The following GGT1 variants were observed in gnomAD, a reference collection of about 807,000 sequenced individuals.
GGT1 encodes the protein glutathione hydrolase 1 proenzyme.
Under a neutral mutation model 56.0 loss-of-function variants are expected in GGT1, and 21 were observed. The ratio of observed to expected loss-of-function variants is 0.38; its 90% CI spans 0.27 to 0.54. The LOEUF (loss-of-function observed/expected upper bound fraction) is 0.54, where lower values mean the gene tolerates loss of function less well. GGT1 is among the 20% of genes least tolerant of loss of function. The pLI is 0.82. For missense variants in GGT1, 466 were observed against 787.0 expected (o/e 0.59, Z 4.88); for synonymous variants, 238 against 342.6 (o/e 0.69, Z 3.37).
chr22:24,602,683 C>T (rs547738999), upstream of GGT1, among the ~76,000 whole-genome samples: 11 of 152,266 alleles, frequency 7.2e-5, no homozygotes, highest in South Asian at 2.1e-3. Context: ...ATGTGACTCC[C>T]TTCAGTCCAG....
At chr22:24,593,632 A>G (rs2045637173), upstream of GGT1, among the ~76,000 whole-genome samples, 1 of 152,066 alleles carries the variant, frequency 6.6e-6, no homozygotes, top group South Asian at 2.1e-4. Context: ...TTGAAAATAC[A>G]AAAAATTAGC....
chr22:24,598,967 A>G (rs138810313), upstream of GGT1, among the ~76,000 whole-genome samples: 25 of 152,082 alleles, frequency 1.6e-4, no homozygotes, highest in Middle Eastern at 6.9e-3. Flanking sequence ...GGGTCTCTCT[A>G]TGTTTCCCAG....
At chr22:24,590,370 G>A (rs898791761), upstream of GGT1, among the ~76,000 whole-genome samples, 3 of 152,150 alleles carry the variant, frequency 2.0e-5, no homozygotes, top group East Asian at 5.8e-4. Flanking sequence ...GGGCTCAAGC[G>A]ATCCTCCCAA....
intron 1 of GGT1, among the ~76,000 whole-genome samples, chr22:24,607,218 C>T (rs1475193335): frequency 6.6e-6 from 1 of 151,968 alleles, no homozygotes; most frequent in African/African-American, 2.4e-5. Context: ...AACCAGTCTG[C>T]ACTCAGGGCC....
upstream of GGT1, among the ~76,000 whole-genome samples, chr22:24,602,893 C>A (rs8139074): frequency 6.6e-6 from 1 of 151,704 alleles, no homozygotes; most frequent in African/African-American, 2.4e-5. Flanking sequence ...AGCTCTGTGG[C>A]CCCATCTCCC....
At chr22:24,621,732 G>A (rs1406113118) in intron 9 of GGT1, among the ~76,000 whole-genome samples, 1 of 152,172 alleles carries the variant, frequency 6.6e-6, no homozygotes, top group Non-Finnish European at 1.5e-5. Flanking sequence ...GCGGCAGGGA[G>A]ACTGGCAGGA....
chr22:24,626,810 C>T (rs896426337), intron 11 of GGT1, among the ~76,000 whole-genome samples: 20 of 151,306 alleles, frequency 1.3e-4, no homozygotes, highest in African/African-American at 4.6e-4. Flanking sequence ...TGTTATGGGA[C>T]CTAGGAAGTC....
intron 1 of GGT1, among the ~76,000 whole-genome samples, chr22:24,596,509 T>C (rs1170552522): frequency 6.6e-6 from 1 of 152,034 alleles, no homozygotes; most frequent in Non-Finnish European, 1.5e-5. Context: ...AGGCTGGTCT[T>C]GAACTCCTGG....
At chr22:24,625,169 G>A (rs2047670168) in intron 11 of GGT1, among the ~76,000 whole-genome samples, 1 of 152,182 alleles carries the variant, frequency 6.6e-6, no homozygotes, top group African/African-American at 2.4e-5. Flanking sequence ...TCGCACCTCA[G>A]GGTGTGTCTC....
In GGT1 at chr22:24,628,852, G is replaced by A; in HGVS notation, c.*13G>A. 1 of 1,572,764 alleles carries A rather than the reference G, an allele frequency of 6.4e-7. No individual in the cohort carries two copies. The highest frequency in any genetic ancestry group is 8.6e-7 in the Non-Finnish European group (1 of 1,157,182). On this transcript the variant is annotated 3_prime_UTR_variant, in exon 16 of 16. Coordinates refer to ENST00000400382, the MANE Select transcript of GGT1 (RefSeq NM_001288833.2). The surrounding 1 kb of genome is among the most constrained non-coding windows in gnomAD (Gnocchi z 5.7). ...TGCCGGCTACTGAGTGCTCCAGGAGGACAAGGCTGACAAGCAATCCAGGGA... is the reference window on the plus strand; with the variant it reads ...TGCCGGCTACTGAGTGCTCCAGGAGAACAAGGCTGACAAGCAATCCAGGGA...
At chr22:24,602,509 C>T (rs2330798), upstream of GGT1, among the ~76,000 whole-genome samples, 2 of 152,198 alleles carry the variant, frequency 1.3e-5, no homozygotes, top group Non-Finnish European at 2.9e-5. Flanking sequence ...GGCCTGCCAG[C>T]GCTGTGGGGG....
chr22:24,608,242 G>A (rs1332767687), intron 2 of GGT1, among the ~76,000 whole-genome samples: 6 of 152,184 alleles, frequency 3.9e-5, no homozygotes, highest in African/African-American at 1.2e-4. Flanking sequence ...CCTCCGATCC[G>A]GGGACATCTG....
At position 24,615,061 on chromosome 22, in the gene GGT1, G is replaced by A. The variant is rs769714067; in HGVS notation, c.316G>A (p.Ala106Thr). The stretch of plus-strand genomic sequence containing the variant: ...TCTAGGAAAAGCTGAGGTCATCAAC[G>A]CCCGCGAGGTGGCCCCCAGGCTGGC... ...STTRKAEVIN[A>T]REVAPRLAFA... The change falls in exon 7 of 16, where the codon GCC becomes ACC. Residue 106 changes from alanine to threonine, a missense_variant. By Grantham distance (58) the Ala-to-Thr change is moderately conservative. This residue lies in a region of GGT1 where 456 missense variants were observed against 716.7 expected (regional missense o/e 0.64). Coordinates refer to ENST00000400382, the MANE Select transcript of GGT1 (RefSeq NM_001288833.2). 1.2e-5 allele frequency: 19 copies of A among 1,612,010 alleles called. No individual in the cohort carries two copies. Among genetic ancestry groups the A allele is most frequent in the East Asian group, 6.7e-5 (3 of 44,888 alleles).
intron 11 of GGT1, 166 bp downstream of exon 11, chr22:24,624,082 C>T: frequency 1.0e-6 from 1 of 985,398 alleles, no homozygotes; most frequent in Non-Finnish European, 1.2e-6. Flanking sequence ...GGGTGACCCC[C>T]AGTCTTGGCT....
At chr22:24,585,732 C>G in the GGT1 span, 1 of 912,012 alleles carries the variant, frequency 1.1e-6, no homozygotes. Flanking sequence ...GCCACCTGGC[C>G]ACCTATGAGT....
Position 24,603,347 on chromosome 22 carries a change from C to G in GGT1, c.-609C>G, listed in dbSNP as rs1208733662. On this transcript the variant is annotated 5_prime_UTR_variant, in exon 1 of 16. Transcript: ENST00000400382. ...GTGGGGAAGCTCAGGTCAGGGCACT[C>G]CCATGAGTGTCTGGAGGCCTGAGTC... 2 of 152,262 alleles carry G rather than the reference C, an allele frequency of 1.3e-5. No homozygotes were observed. The highest frequency in any genetic ancestry group is 2.4e-5 in the African/African-American group (1 of 41,454). The allele number at this position is 152,262 out of a possible 1,614,324, so 9.4% of individuals were successfully genotyped here.
the GGT1 span, chr22:24,585,825 C>T: frequency 6.9e-7 from 1 of 1,441,844 alleles, no homozygotes; most frequent in Middle Eastern, 1.9e-4. Flanking sequence ...ACCTTCATCG[C>T]CCACTATCAT....
upstream of GGT1, among the ~76,000 whole-genome samples, chr22:24,599,695 A>G (rs2045751262): frequency 6.6e-6 from 1 of 152,166 alleles, no homozygotes; most frequent in Non-Finnish European, 1.5e-5. Flanking sequence ...AGGCTTGGGC[A>G]CGTCCACCTG....
upstream of GGT1, chr22:24,593,127 A>G (rs1000643265): frequency 1.5e-5 from 15 of 1,008,670 alleles, no homozygotes; most frequent in South Asian, 1.4e-4. Flanking sequence ...CCCGCCTCCA[A>G]TCACCGCGGC....
Sources: allele counts gnomAD v4.1 joint callset (sites outside exome capture counted in the v4.1 genomes callset), GRCh38; gene constraint gnomAD v4.1.1; regional missense constraint gnomAD v4.1.1; non-coding constraint Gnocchi (gnomAD v3.1); transcripts MANE v1.5; gene names NCBI Gene and HGNC (gene_info 2026-07-23, HGNC 2026-07-21).